RANBP17: variants seen among roughly 807,000 people sequenced by gnomAD.
The protein encoded by RANBP17 is RAN binding protein 17, also known as ran-binding protein 17.
In RANBP17, 158 loss-of-function variants were observed where a neutral mutation model predicts 141.2. The observed-to-expected ratio is 1.12, with a 90% confidence interval of 0.98 to 1.28. The LOEUF (loss-of-function observed/expected upper bound fraction) is 1.28. Among genes scored for constraint, RANBP17 ranks in the 50% most tolerant of loss-of-function variants. The pLI, the probability that RANBP17 is intolerant of heterozygous loss-of-function variation, is 0.00. For synonymous variants in RANBP17, 430 were observed against 450.0 expected, an observed-to-expected ratio of 0.96 and a Z score of 0.56; for missense variants, 1,438 against 1,290.7, an observed-to-expected ratio of 1.11 and a Z score of -1.75.
chr5:171,071,345 T>G (rs1336702668), intron 14 of RANBP17, among the ~76,000 whole-genome samples: 2 of 152,050 alleles, frequency 1.3e-5, no homozygotes, highest in Non-Finnish European at 2.9e-5. Context: ...TTGTAGATAT[T>G]GACAAGCTAA....
intron 14 of RANBP17, among the ~76,000 whole-genome samples, chr5:171,130,671 G>A (rs1164106013): frequency 2.0e-5 from 3 of 151,748 alleles, no homozygotes; most frequent in Non-Finnish European, 4.4e-5. Flanking sequence ...CCCGACCTCA[G>A]GTGATCGGCC....
chr5:171,232,316 T>A (rs1764252449), intron 22 of RANBP17, among the ~76,000 whole-genome samples: 1 of 152,176 alleles, frequency 6.6e-6, no homozygotes, highest in African/African-American at 2.4e-5. Flanking sequence ...CAAAATTACA[T>A]CAGTGCTGAA....
At chr5:171,132,580 G>A (rs1200452207) in intron 14 of RANBP17, among the ~76,000 whole-genome samples, 1 of 151,988 alleles carries the variant, frequency 6.6e-6, no homozygotes, top group Non-Finnish European at 1.5e-5. Context: ...AAATTAACCA[G>A]GTATGGTGGT....
At chr5:171,115,294 C>T (rs1014429260) in intron 14 of RANBP17, among the ~76,000 whole-genome samples, 4 of 152,022 alleles carry the variant, frequency 2.6e-5, no homozygotes, top group Admixed American at 2.6e-4. Context: ...TTAGCAAATT[C>T]TACTCCCATT....
chr5:171,140,713 C>T (rs978966904), intron 14 of RANBP17, among the ~76,000 whole-genome samples: 4 of 152,194 alleles, frequency 2.6e-5, no homozygotes, highest in African/African-American at 4.8e-5. Flanking sequence ...GGTAGTTACA[C>T]ATCCATATGC....
intron 18 of RANBP17, among the ~76,000 whole-genome samples, chr5:171,188,757 G>T (rs888636407): frequency 6.6e-6 from 1 of 152,144 alleles, no homozygotes; most frequent in Non-Finnish European, 1.5e-5. Flanking sequence ...TCTGTGGTAG[G>T]TTAAACAACA....
At chr5:171,152,525 TTCTTCC>T (rs1758566131) in intron 14 of RANBP17, among the ~76,000 whole-genome samples, 1 of 152,028 alleles carries the variant, frequency 6.6e-6, no homozygotes, top group Non-Finnish European at 1.5e-5. Context: ...TGTCCTAGGG[TTCTTCC>T]CACTTAGAAA....
chr5:170,875,582 C>T (rs1768109311), intron 1 of RANBP17, among the ~76,000 whole-genome samples: 1 of 152,180 alleles, frequency 6.6e-6, no homozygotes, highest in African/African-American at 2.4e-5. Context: ...ACTTTTTCTT[C>T]TGCTGGATTG....
At chr5:171,287,793 C>G (rs1373476084) in intron 25 of RANBP17, among the ~76,000 whole-genome samples, 1 of 151,934 alleles carries the variant, frequency 6.6e-6, no homozygotes, top group African/African-American at 2.4e-5. Flanking sequence ...GTGGCATGAT[C>G]TCAGCTCACT....
intron 1 of RANBP17, among the ~76,000 whole-genome samples, chr5:170,862,672 G>T (rs914764492): frequency 2.6e-5 from 4 of 152,172 alleles, no homozygotes; most frequent in African/African-American, 9.6e-5. Flanking sequence ...GGGCGCGGGC[G>T]CGGGCGCGGA....
chr5:170,999,926 C>T (rs1399741868), intron 14 of RANBP17, among the ~76,000 whole-genome samples: 2 of 152,182 alleles, frequency 1.3e-5, no homozygotes, highest in African/African-American at 4.8e-5. Context: ...TCCTTGGCAA[C>T]TACCATTCTA....
intron 19 of RANBP17, among the ~76,000 whole-genome samples, chr5:171,200,091 T>C (rs1172824307): frequency 6.6e-6 from 1 of 152,194 alleles, no homozygotes; most frequent in Non-Finnish European, 1.5e-5. Context: ...TCATCTATCC[T>C]GCACTGTTAT....
chr5:171,189,880 CAAGG>C, intron 18 of RANBP17, among the ~76,000 whole-genome samples: 1 of 151,076 alleles, frequency 6.6e-6, no homozygotes, highest in South Asian at 2.1e-4. Flanking sequence ...GTCATGGAAA[CAAGG>C]AAGAAAAAGA....
Position 171,298,880 on chromosome 5 carries a change from C to T in RANBP17, c.*22C>T, listed in dbSNP as rs753229698. 21 of 1,589,744 alleles carry T rather than the reference C, an allele frequency of 1.3e-5. No homozygotes were observed. The highest frequency in any genetic ancestry group is 2.2e-5 in the East Asian group (1 of 44,778). On this transcript the variant is annotated 3_prime_UTR_variant, in exon 28 of 28. Transcript: ENST00000523189. ...CTGACCCGACTTTTCTGACCATGTG[C>T]GGAGCAGCCTTTATCAAGAGACTCC...
chr5:170,920,024 A>G (rs1361352766), intron 11 of RANBP17, among the ~76,000 whole-genome samples: 1 of 151,972 alleles, frequency 6.6e-6, no homozygotes, highest in East Asian at 1.9e-4. Context: ...GTAGTATACC[A>G]TTTTGTGGAT....
chr5:170,922,609 G>T (rs995854628), intron 11 of RANBP17, among the ~76,000 whole-genome samples: 2 of 152,116 alleles, frequency 1.3e-5, no homozygotes, highest in Non-Finnish European at 2.9e-5. Flanking sequence ...CTCCGTGGGC[G>T]TGGGACCCAC....
intron 14 of RANBP17, among the ~76,000 whole-genome samples, chr5:170,985,454 A>G (rs1220109916): frequency 1.3e-5 from 2 of 152,224 alleles, no homozygotes; most frequent in African/African-American, 4.8e-5. Context: ...AAATTGAGCA[A>G]GAAGTAATTC....
chr5:171,266,123 G>C (rs1766658866), intron 25 of RANBP17, among the ~76,000 whole-genome samples: 1 of 152,138 alleles, frequency 6.6e-6, no homozygotes, highest in African/African-American at 2.4e-5. Flanking sequence ...AGAAAAATTA[G>C]ACAAAACCGG....
chr5:170,883,187 GTT>G (rs1289901038), intron 3 of RANBP17, among the ~76,000 whole-genome samples: 2 of 152,208 alleles, frequency 1.3e-5, no homozygotes, highest in African/African-American at 4.8e-5. Flanking sequence ...GGAGTTTACA[GTT>G]TTAAAAATAA....
Sources: allele counts gnomAD v4.1 joint callset (sites outside exome capture counted in the v4.1 genomes callset), GRCh38; gene constraint gnomAD v4.1.1; transcripts MANE v1.5; gene names NCBI Gene and HGNC (gene_info 2026-07-23, HGNC 2026-07-21).